The following CASP5 variants were observed in gnomAD, a reference collection of about 807,000 sequenced individuals.
CASP5 encodes caspase-5.
In CASP5, 42 loss-of-function variants were observed where a neutral mutation model predicts 45.2. That is an observed-to-expected ratio of 0.93 (90% CI 0.73 to 1.20). The LOEUF (loss-of-function observed/expected upper bound fraction) is 1.20. Ranked by LOEUF, CASP5 falls within the 50% of genes most tolerant of loss-of-function variation. CASP5 has a pLI of 0.00. For synonymous variants in CASP5, 209 were observed against 186.2 expected, an observed-to-expected ratio of 1.12 and a Z score of -1.00; for missense variants, 512 against 532.2, an observed-to-expected ratio of 0.96 and a Z score of 0.37.
chr11:105,019,688 C>G (rs1175697135), intron 1 of CASP5, among the ~76,000 whole-genome samples: 2 of 144,512 alleles, frequency 1.4e-5, no homozygotes, highest in East Asian at 3.9e-4. Context: ...AAAAAGAGTC[C>G]AGGACCAGAT....
At position 105,007,322 on chromosome 11, in the gene CASP5, T is replaced by C. The variant is rs935115596; in HGVS notation, c.194A>G (p.Lys65Arg). ...KSTSVKKDNH[K>R]KKTVKMLEYL... is the part of the protein sequence containing the mutation. ...TTCCAACATCTTAACTGTTTTTTTT[T>C]TGTGGTTGTCTTCTGTCAGAAATAG... The change falls in exon 3 of 10, where the codon AAA becomes AGA. Residue 65 changes from lysine (K) to arginine (R), a missense_variant. Transcript: ENST00000260315. 1 of 1,596,640 alleles carries C rather than the reference T, an allele frequency of 6.3e-7. No homozygotes were observed. The highest frequency in any genetic ancestry group is 8.5e-7 in the Non-Finnish European group (1 of 1,177,310).
chr11:105,008,781 A>G (rs772262415), intron 2 of CASP5, 26 bp downstream of exon 2: 3 of 1,528,412 alleles, frequency 2.0e-6, no homozygotes, highest in South Asian at 2.3e-5. Context: ...AATTGGAAAT[A>G]TCCATTGTAA....
rs1483705469 is a variant in CASP5 at position 104,995,781 on chromosome 11, G to A, written c.1268C>T (p.Thr423Ile). Residue 423 changes from threonine to isoleucine, a missense_variant, in exon 9 of 10, where the codon ACC becomes ATC. Coordinates refer to ENST00000260315, the MANE Select transcript of CASP5 (RefSeq NM_004347.5). ...KAQMPTIERA[T>I]LTRDFYLFPG... Reference sequence around the variant, plus strand: ...AAAGAGGTAGAAATCTCTTGTCAAGGTTGCTCGTTCTATGGTGGGCATCTG... The same window carrying A: ...AAAGAGGTAGAAATCTCTTGTCAAGATTGCTCGTTCTATGGTGGGCATCTG... 6.2e-7 allele frequency: 1 copy of A among 1,612,238 alleles called. No individual in the cohort carries two copies. Among genetic ancestry groups the A allele is most frequent in the Admixed American group, 1.7e-5 (1 of 59,930 alleles).
chr11:105,000,565 T>C (rs1861677092), intron 5 of CASP5, 70 bp from the exon 6 acceptor site: 1 of 1,396,048 alleles, frequency 7.2e-7, no homozygotes, highest in Middle Eastern at 1.8e-4. Context: ...AGATTTACCA[T>C]GAGCGAAACA....
Position 105,013,908 on chromosome 11 carries a change from C to T in CASP5, c.8-4928G>A, listed in dbSNP as rs113389318. ...GCCTTCTGTATGTCTTATTCCCCAA[C>T]TCAATTCACACTGCATTGATTTTAT... On this transcript the variant is annotated intron_variant, in intron 1 of 9. Coordinates refer to ENST00000260315, the MANE Select transcript of CASP5 (RefSeq NM_004347.5). Among the ~76,000 whole-genome samples the T allele has an allele frequency of 1.1e-4, 16 of 152,274 alleles. 1 individual carries two copies. The highest frequency in any genetic ancestry group is 3.9e-4 in the African/African-American group (16 of 41,558).
At chr11:104,999,443 C>T (rs1200995656) in intron 6 of CASP5, among the ~76,000 whole-genome samples, 1 of 152,144 alleles carries the variant, frequency 6.6e-6, no homozygotes, top group Non-Finnish European at 1.5e-5. Flanking sequence ...TTTCTTTGTC[C>T]AGTCTATCTA....
chr11:105,006,927 A>C (rs755129681), intron 3 of CASP5, among the ~76,000 whole-genome samples, 156 bp downstream of exon 3: 4 of 152,228 alleles, frequency 2.6e-5, no homozygotes, highest in Admixed American at 1.3e-4. Context: ...GTCCCATAAA[A>C]GACAAGGTGG....
chr11:105,014,001 A>C (rs1222009430), intron 1 of CASP5, among the ~76,000 whole-genome samples: 1 of 152,132 alleles, frequency 6.6e-6, no homozygotes, highest in African/African-American at 2.4e-5. Context: ...TATTCAGGCC[A>C]ACACCCTTTC....
intron 1 of CASP5, among the ~76,000 whole-genome samples, chr11:105,017,077 C>G (rs1172824106): frequency 6.6e-6 from 1 of 151,812 alleles, no homozygotes; most frequent in African/African-American, 2.4e-5. Flanking sequence ...GGTACTCCAA[C>G]AGACCTGCAG....
intron 1 of CASP5, among the ~76,000 whole-genome samples, chr11:105,009,799 A>C (rs1229780619): frequency 8.6e-6 from 1 of 115,972 alleles, no homozygotes; most frequent in East Asian, 2.2e-4. Context: ...ACACGTATAT[A>C]TATATATACA....
chr11:105,001,418 G>A (rs1374659386), intron 5 of CASP5, among the ~76,000 whole-genome samples: 3 of 152,192 alleles, frequency 2.0e-5, no homozygotes, highest in African/African-American at 7.2e-5. Flanking sequence ...TGTAATTCCA[G>A]CACTTTGGGA....
intron 1 of CASP5, among the ~76,000 whole-genome samples, chr11:105,018,784 T>C (rs1862776581): frequency 3.7e-4 from 51 of 137,082 alleles, no homozygotes; most frequent in Admixed American, 8.7e-4. Context: ...GGAATTGAAC[T>C]CAGCTCTGCA....
chr11:105,002,350 C>A (rs1440638498), intron 4 of CASP5, 149 bp from the exon 5 acceptor site: 2 of 637,276 alleles, frequency 3.1e-6, no homozygotes, highest in Non-Finnish European at 5.5e-6. Context: ...CTCTCAAGAG[C>A]CCAGAGCAAG....
At chr11:104,998,399 TC>T (rs1285738758) in intron 7 of CASP5, among the ~76,000 whole-genome samples, 11 of 152,172 alleles carry the variant, frequency 7.2e-5, no homozygotes, top group African/African-American at 1.4e-4. Context: ...CCCTAACATT[TC>T]TTACCTTTTT....
At chr11:105,013,422 A>C (rs1862446297) in intron 1 of CASP5, among the ~76,000 whole-genome samples, 1 of 152,090 alleles carries the variant, frequency 6.6e-6, no homozygotes, top group African/African-American at 2.4e-5. Context: ...TGTAATCACA[A>C]AAAAAGATGA....
chr11:105,007,022 C>T, intron 3 of CASP5, 61 bp downstream of exon 3: 1 of 1,384,748 alleles, frequency 7.2e-7, no homozygotes, highest in Non-Finnish European at 1.0e-6. Context: ...ACTGCATGGG[C>T]CTTGGAGTTG....
intron 5 of CASP5, among the ~76,000 whole-genome samples, chr11:105,001,176 T>G (rs1861707312): frequency 6.6e-6 from 1 of 152,200 alleles, no homozygotes; most frequent in South Asian, 2.1e-4. Flanking sequence ...TTACTTTGGA[T>G]TCTCTTGTTA....
At chr11:105,009,194 T>A in intron 1 of CASP5, 1 of 589,918 alleles carries the variant, frequency 1.7e-6, no homozygotes, top group Non-Finnish European at 3.0e-6. Flanking sequence ...GCCACTTAAG[T>A]TTGTTTTTTA....
At chr11:104,996,179 T>C (rs1861465031) in intron 8 of CASP5, among the ~76,000 whole-genome samples, 1 of 152,152 alleles carries the variant, frequency 6.6e-6, no homozygotes, top group African/African-American at 2.4e-5. Context: ...ATTTAGTACT[T>C]TCAACCCCCA....
Sources: allele counts gnomAD v4.1 joint callset (sites outside exome capture counted in the v4.1 genomes callset), GRCh38; gene constraint gnomAD v4.1.1; transcripts MANE v1.5; gene names NCBI Gene and HGNC (gene_info 2026-07-23, HGNC 2026-07-21).